PDE1A: variants seen among roughly 807,000 people sequenced by gnomAD.
PDE1A encodes the protein dual specificity calcium/calmodulin-dependent 3',5'-cyclic nucleotide phosphodiesterase 1A.
Under a neutral mutation model 61.7 loss-of-function variants are expected in PDE1A, and 35 were observed. The ratio of observed to expected loss-of-function variants is 0.57; its 90% CI spans 0.43 to 0.75. The LOEUF is 0.75. Ranked by LOEUF, PDE1A falls within the 30% of genes least tolerant of loss-of-function variation. The probability of loss-of-function intolerance (pLI) is 0.00; values close to 1 mark genes in which losing one functional copy is unlikely to be tolerated. For synonymous variants in PDE1A, 232 were observed against 213.2 expected, an observed-to-expected ratio of 1.09 and a Z score of -0.77; for missense variants, 597 against 630.6, an observed-to-expected ratio of 0.95 and a Z score of 0.57.
At chr2:182,188,502 A>G (rs1010940088) in intron 11 of PDE1A, among the ~76,000 whole-genome samples, 20 of 152,206 alleles carry the variant, frequency 1.3e-4, no homozygotes, top group African/African-American at 3.4e-4. Context: ...GGTTGGGAGC[A>G]TTATCATTTT....
chr2:182,505,658 C>G (rs1689362960), intron 2 of PDE1A, among the ~76,000 whole-genome samples: 1 of 152,180 alleles, frequency 6.6e-6, no homozygotes, highest in Admixed American at 6.5e-5. Flanking sequence ...CACCAGGCTT[C>G]TTCACACGCC....
chr2:182,434,542 CT>C lies in PDE1A; in HGVS notation c.101+87733del, dbSNP rs34234948. Among the ~76,000 whole-genome samples the C allele has an allele frequency of 7.9e-5, 12 of 151,116 alleles. No homozygotes were observed. In the East Asian group the frequency reaches 1.8e-3, roughly 22 times the overall value. On this transcript the variant is annotated intron_variant, in intron 2 of 14. Coordinates refer to the PDE1A transcript ENST00000410103. ...AGGAAAGCTAACTGAAAATGAAGCCCTTTTTTTTTCCTGAAAGGGCCTTAAT... is the reference window on the plus strand; with the variant it reads ...AGGAAAGCTAACTGAAAATGAAGCCCTTTTTTTTCCTGAAAGGGCCTTAAT...
chr2:182,680,085 G>C, the PDE1A span, among the ~76,000 whole-genome samples: 1 of 152,070 alleles, frequency 6.6e-6, no homozygotes, highest in Non-Finnish European at 1.5e-5. Context: ...TTTGAATCAA[G>C]ATAAAATATG....
the PDE1A span, among the ~76,000 whole-genome samples, chr2:182,617,088 C>G: frequency 6.6e-6 from 1 of 152,202 alleles, no homozygotes; most frequent in Admixed American, 6.5e-5. Flanking sequence ...AAGGTCCTGC[C>G]TAATCACATT....
the PDE1A span, among the ~76,000 whole-genome samples, chr2:182,676,665 A>G: frequency 1.3e-5 from 2 of 152,238 alleles, no homozygotes; most frequent in African/African-American, 2.4e-5. Context: ...AAAATCATCA[A>G]TAAAATACTT....
exon 15 of PDE1A, chr2:182,141,843 A>G (rs1300356530): frequency 6.6e-6 from 1 of 152,208 alleles, no homozygotes; most frequent in Admixed American, 6.5e-5. Context: ...ACCTTTCACA[A>G]AGATAAATTC....
the PDE1A span, among the ~76,000 whole-genome samples, chr2:182,576,222 C>T: frequency 6.6e-6 from 1 of 152,022 alleles, no homozygotes; most frequent in Non-Finnish European, 1.5e-5. Flanking sequence ...AGTCTCCATT[C>T]CTCTTTTCCC....
the PDE1A span, among the ~76,000 whole-genome samples, chr2:182,548,123 G>A: frequency 6.6e-6 from 1 of 152,132 alleles, no homozygotes; most frequent in Non-Finnish European, 1.5e-5. Flanking sequence ...GATGGAAAAA[G>A]ATTTGCTTTT....
At chr2:182,418,322 T>C (rs947513145) in intron 1 of PDE1A, among the ~76,000 whole-genome samples, 12 of 152,196 alleles carry the variant, frequency 7.9e-5, no homozygotes, top group African/African-American at 2.7e-4. Context: ...ACGGGTGTAA[T>C]AGCTCATGTT....
intron 2 of PDE1A, among the ~76,000 whole-genome samples, chr2:182,443,903 A>G (rs929837764): frequency 7.9e-5 from 12 of 151,794 alleles, no homozygotes; most frequent in African/African-American, 2.9e-4. Flanking sequence ...AGGTTTCTCC[A>G]TGTTGGTCAG....
At chr2:182,477,506 T>C (rs548005911) in intron 2 of PDE1A, among the ~76,000 whole-genome samples, 1 of 151,964 alleles carries the variant, frequency 6.6e-6, no homozygotes, top group African/African-American at 2.4e-5. Flanking sequence ...AATTGAGATG[T>C]GAATCTGGTG....
intron 4 of PDE1A, 81 bp downstream of exon 4, chr2:182,234,351 T>C (rs1689833664): frequency 2.3e-6 from 2 of 880,020 alleles, no homozygotes; most frequent in Non-Finnish European, 3.8e-6. Flanking sequence ...AGTAAAGACC[T>C]ATTCTCATTT....
At chr2:182,708,069 C>T in the PDE1A span, among the ~76,000 whole-genome samples, 1 of 152,108 alleles carries the variant, frequency 6.6e-6, no homozygotes, top group Non-Finnish European at 1.5e-5. Context: ...ATGCTATTTA[C>T]CCTGATTTGA....
intron 2 of PDE1A, among the ~76,000 whole-genome samples, chr2:182,515,651 A>G (rs1690086168): frequency 6.6e-6 from 1 of 152,248 alleles, no homozygotes; most frequent in Admixed American, 6.5e-5. Context: ...GATTATGATT[A>G]AAAGACAGAT....
chr2:182,186,035 C>T (rs757725272), exon 13 of PDE1A: 9 of 1,613,944 alleles, frequency 5.6e-6, no homozygotes, highest in South Asian at 4.4e-5. Flanking sequence ...TGTATTTGAT[C>T]GTCTTAGTGC....
chr2:182,452,677 A>C (rs1385293511), intron 2 of PDE1A, among the ~76,000 whole-genome samples: 1 of 152,160 alleles, frequency 6.6e-6, no homozygotes, highest in South Asian at 2.1e-4. Context: ...CAAGCAAAAA[A>C]GGTGACAACT....
chr2:182,246,443 G>T (rs1184499139), intron 2 of PDE1A, among the ~76,000 whole-genome samples: 1 of 115,362 alleles, frequency 8.7e-6, no homozygotes, highest in Non-Finnish European at 1.6e-5. Flanking sequence ...TTGCTCCGTC[G>T]CTCAGGCTGT....
chr2:182,156,507 G>A (rs890673256), intron 13 of PDE1A, among the ~76,000 whole-genome samples: 6 of 152,154 alleles, frequency 3.9e-5, no homozygotes, highest in African/African-American at 1.2e-4. Context: ...TGGAAAGGGC[G>A]GGAGCATTCC....
the PDE1A span, among the ~76,000 whole-genome samples, chr2:182,657,051 C>T: frequency 1.3e-5 from 2 of 152,046 alleles, no homozygotes; most frequent in East Asian, 1.9e-4. Context: ...GGTGAAACCC[C>T]CTCTCTACTA....
Sources: gnomAD v4.1 joint callset for allele counts (sites outside exome capture counted in the v4.1 genomes callset) on GRCh38, gnomAD v4.1.1 for gene constraint, MANE v1.5 for transcripts, NCBI Gene and HGNC (gene_info 2026-07-23, HGNC 2026-07-21) for gene names.